The following SLC4A1AP variants were observed in gnomAD, a reference collection of about 807,000 sequenced individuals.
SLC4A1AP encodes solute carrier family 4 member 1 adaptor protein.
A neutral mutation model predicts 89.7 loss-of-function variants in SLC4A1AP; 64 were observed. The ratio of observed to expected loss-of-function variants is 0.71; its 90% CI spans 0.58 to 0.88. The LOEUF is 0.88. Ranked by LOEUF, SLC4A1AP falls within the 40% of genes least tolerant of loss-of-function variation. SLC4A1AP has a pLI of 0.00. For synonymous variants in SLC4A1AP, 366 were observed against 353.3 expected, an observed-to-expected ratio of 1.04 and a Z score of -0.40; for missense variants, 931 against 965.0, an observed-to-expected ratio of 0.96 and a Z score of 0.47.
chr2:27,678,126 C>T (rs1675554752), intron 8 of SLC4A1AP, among the ~76,000 whole-genome samples: 1 of 152,152 alleles, frequency 6.6e-6, no homozygotes, highest in African/African-American at 2.4e-5. Context: ...AGAGGATTTT[C>T]TGAGAAAACT....
chr2:27,685,895 G>C (rs1675699152), intron 10 of SLC4A1AP, among the ~76,000 whole-genome samples: 1 of 151,836 alleles, frequency 6.6e-6, no homozygotes, highest in Admixed American at 6.6e-5. Context: ...AATTACAAAG[G>C]GTTATATGTT....
At chr2:27,677,199 T>G in intron 6 of SLC4A1AP, 96 bp from the exon 7 acceptor site, 1 of 837,554 alleles carries the variant, frequency 1.2e-6, no homozygotes, top group Non-Finnish European at 2.0e-6. Context: ...TGAATTAATC[T>G]TCTTAAAACT....
At chr2:27,680,692 G>C (rs1675604657) in intron 8 of SLC4A1AP, among the ~76,000 whole-genome samples, 1 of 151,794 alleles carries the variant, frequency 6.6e-6, no homozygotes, top group Non-Finnish European at 1.5e-5. Context: ...GGGAGGCTGA[G>C]GTATCACTTG....
chr2:27,677,463 G>A (rs998908415), intron 7 of SLC4A1AP, 99 bp downstream of exon 7: 7 of 835,398 alleles, frequency 8.4e-6, no homozygotes, highest in Non-Finnish European at 1.4e-5. Context: ...TACAGAATAT[G>A]GAGCCTTTTA....
intron 9 of SLC4A1AP, among the ~76,000 whole-genome samples, chr2:27,683,514 C>G (rs1384213731): frequency 6.6e-6 from 1 of 152,066 alleles, no homozygotes; most frequent in Non-Finnish European, 1.5e-5. Context: ...CTCCTGGTGT[C>G]TCTTCTTCTT....
Position 27,685,047 on chromosome 2 carries a change from C to CA in SLC4A1AP, c.1886_1887insA (p.Lys630GlnfsTer15). The CA allele has an allele frequency of 6.2e-7, 1 of 1,603,912 alleles. No homozygotes were observed. Among genetic ancestry groups the CA allele is most frequent in the South Asian group, 1.1e-5 (1 of 88,878 alleles). On this transcript the variant is annotated frameshift_variant, in exon 10 of 14. Transcript: ENST00000613058. LOFTEE classifies it high-confidence loss of function. Reference sequence around the variant, plus strand: ...TTGTTTCCCTCTTAGAAGTTACCCCCCAAGCGTCCAGAACTCCCTCCAACT... The same window carrying CA: ...TTGTTTCCCTCTTAGAAGTTACCCCCACAAGCGTCCAGAACTCCCTCCAACT...
rs566928773 is a variant in SLC4A1AP, at chr2:27,679,995, C to CA, written c.1763+2072dup. 2.0e-3 allele frequency among the ~76,000 whole-genome samples: 298 copies of CA among 152,196 alleles called. 2 individuals carry two copies. In the Middle Eastern group the frequency reaches 0.031, roughly 16 times the overall value. ...AATGGCACCACAGATGCCATGGAGG[C>CA]ATGGGGCTTGGGTTTCGATACCCTG... On this transcript the variant is annotated intron_variant, in intron 8 of 13. Transcript: ENST00000613058.
chr2:27,675,725 T>A, intron 6 of SLC4A1AP, 33 bp downstream of exon 6: 1 of 1,420,784 alleles, frequency 7.0e-7, no homozygotes, highest in Non-Finnish European at 9.5e-7. Context: ...GCTGTGGTAT[T>A]TAATAGTTTA....
rs138954921 is a variant in SLC4A1AP, at chr2:27,675,547, A to T, written c.1361A>T (p.Lys454Ile). The T allele has an allele frequency of 4.4e-6, 7 of 1,581,050 alleles. No individual in the cohort carries two copies. In the African/African-American group the frequency reaches 8.2e-5, roughly 18 times the overall value. Residue 454 changes from lysine to isoleucine, a missense_variant, in exon 6 of 14, where the codon AAA (lysine) becomes ATA (isoleucine). By Grantham distance (102) the Lys-to-Ile change is moderately radical. Coordinates refer to ENST00000613058, the Ensembl canonical transcript of SLC4A1AP. ...CTACCTCTAGTATCTCGGAAAAGGAAAGCCAAGAACTGGGAAGATGAAGAC... is the reference window on the plus strand; with the variant it reads ...CTACCTCTAGTATCTCGGAAAAGGATAGCCAAGAACTGGGAAGATGAAGAC...
chr2:27,669,537 A>C, intron 5 of SLC4A1AP, 150 bp downstream of exon 5: 1 of 656,256 alleles, frequency 1.5e-6, no homozygotes, highest in Non-Finnish European at 2.5e-6. Context: ...TAAGGTAGCC[A>C]CTGTTTATAT....
intron 12 of SLC4A1AP, among the ~76,000 whole-genome samples, chr2:27,691,318 T>C (rs759215231): frequency 6.6e-6 from 1 of 152,140 alleles, no homozygotes; most frequent in Non-Finnish European, 1.5e-5. Flanking sequence ...CTAGATGTTC[T>C]AGTTTGTGTG....
At chr2:27,669,537 A>G (rs1348558295) in intron 5 of SLC4A1AP, 150 bp downstream of exon 5, 1 of 656,138 alleles carries the variant, frequency 1.5e-6, no homozygotes, top group East Asian at 2.9e-5. Context: ...TAAGGTAGCC[A>G]CTGTTTATAT....
chr2:27,688,818 C>A, intron 12 of SLC4A1AP, 51 bp downstream of exon 12: 1 of 1,357,804 alleles, frequency 7.4e-7, no homozygotes, highest in African/African-American at 1.5e-5. Context: ...TGTCATGGAC[C>A]ACATCCAGAA....
chr2:27,667,163 C>T, intron 2 of SLC4A1AP, 105 bp from the exon 3 acceptor site: 1 of 1,278,736 alleles, frequency 7.8e-7, no homozygotes, highest in Non-Finnish European at 1.1e-6. Context: ...GCCACTGCGC[C>T]CAGCCTAAAC....
intron 5 of SLC4A1AP, among the ~76,000 whole-genome samples, chr2:27,674,490 G>A (rs977570346): frequency 1.3e-5 from 2 of 152,014 alleles, no homozygotes; most frequent in Non-Finnish European, 1.5e-5. Context: ...CAAAAAGGTT[G>A]TATCAATGTA....
In SLC4A1AP at chr2:27,664,726, A is replaced by G; in HGVS notation, c.825+149A>G. 1.2e-5 allele frequency: 8 copies of G among 656,092 alleles called. No homozygotes were observed. In the East Asian group the frequency reaches 2.2e-4, roughly 18 times the overall value. 40.6% of individuals were successfully genotyped at this position (656,092 alleles called of 1,614,324 possible). ...TGGCCTATCATCTTCAGACGGCTGT[A>G]CACATTGCTATATTTCTGAAAGTCA... On this transcript the variant is annotated intron_variant, in intron 1 of 13. Transcript: ENST00000613058.
chr2:27,684,606 A>G (rs17006206), intron 9 of SLC4A1AP, among the ~76,000 whole-genome samples: 4,032 of 152,216 alleles, frequency 0.026, 174 homozygotes, highest in African/African-American at 0.093. Context: ...ATGGATTTAC[A>G]TGCCTTGTTT....
chr2:27,665,008 A>G, intron 1 of SLC4A1AP, 92 bp from the exon 2 acceptor site: 2 of 980,600 alleles, frequency 2.0e-6, no homozygotes, highest in Non-Finnish European at 3.1e-6. Flanking sequence ...AGTGAGGTGT[A>G]TTACAGCCAC....
chr2:27,684,964 A>G, intron 9 of SLC4A1AP, 73 bp from the exon 10 acceptor site: 2 of 1,495,394 alleles, frequency 1.3e-6, no homozygotes, highest in Non-Finnish European at 1.8e-6. Flanking sequence ...ATTTAGACTG[A>G]CCTCCTTGAA....
Sources: gnomAD v4.1 joint callset for allele counts (sites outside exome capture counted in the v4.1 genomes callset) on GRCh38, gnomAD v4.1.1 for gene constraint, MANE v1.5 for transcripts, NCBI Gene and HGNC (gene_info 2026-07-23, HGNC 2026-07-21) for gene names.